FBXW10: variants seen among roughly 807,000 people sequenced by gnomAD.
The protein encoded by FBXW10 is F-box and WD repeat domain containing 10, also known as F-box/WD repeat-containing protein 10.
In FBXW10, 68 loss-of-function variants were observed where a neutral mutation model predicts 113.1. The observed-to-expected ratio is 0.60, with a 90% confidence interval of 0.49 to 0.74. FBXW10 has a LOEUF of 0.74. Among genes scored for constraint, FBXW10 ranks in the 30% least tolerant of loss-of-function variants. The pLI is 0.00. For synonymous variants in FBXW10, 289 were observed against 481.6 expected (o/e 0.60, Z 5.24); for missense variants, 753 against 1,284.5 (o/e 0.59, Z 6.32).
rs2035748465 is a variant in FBXW10 at position 18,778,740 on chromosome 17, T to A, written c.2601T>A (p.Val867=). ...AAGGAAAATCAATCCAACGTGCAGT[T>A]GATCGGTTGAGATTGAGCAATCCTC... ...NFKGKSIQRA[V]DRLRLSNPPI... Residue 867 remains valine (V), a synonymous_variant, in exon 14 of 14, where the codon GTT becomes GTA. Coordinates refer to ENST00000395665, the MANE Select transcript of FBXW10 (RefSeq NM_001267585.2). 1 of 1,613,526 alleles carries A rather than the reference T, an allele frequency of 6.2e-7. No individual in the cohort carries two copies. The highest frequency in any genetic ancestry group is 1.7e-4 in the Middle Eastern group (1 of 6,056).
chr17:18,764,198 C>T (rs1202797062), intron 7 of FBXW10, among the ~76,000 whole-genome samples: 8 of 129,458 alleles, frequency 6.2e-5, no homozygotes, highest in Non-Finnish European at 1.3e-4. Context: ...GATGTAAATA[C>T]TCTTTTTTTT....
In FBXW10 at chr17:18,778,606, C is replaced by T. The variant is rs2035745634; in HGVS notation, c.2467C>T (p.Gln823Ter). 5.0e-6 allele frequency: 8 copies of T among 1,614,000 alleles called. No individual in the cohort carries two copies. The highest frequency in any genetic ancestry group is 1.7e-4 in the Middle Eastern group (1 of 6,054). ...ATTCCTCCTGACTGTTAGCGCCCTG[C>T]AGCACGCCCATAATTCCGGGGAATT... Reference protein sequence around the residue: ...DQFLLTVSALQHAHNSGEFAY... With the variant: ...DQFLLTVSAL Residue 823 changes from glutamine (Q) to a stop codon, truncating the protein, a stop_gained, in exon 14 of 14, where the codon CAG becomes TAG. Transcript: ENST00000395665. LOFTEE classifies it high-confidence loss of function.
At chr17:18,767,511 A>G (rs2035521359) in intron 9 of FBXW10, among the ~76,000 whole-genome samples, 1 of 151,910 alleles carries the variant, frequency 6.6e-6, no homozygotes, top group Non-Finnish European at 1.5e-5. Context: ...CTAAGAAGAA[A>G]ACACTGGGGG....
chr17:18,762,622 G>A lies in FBXW10; in HGVS notation c.1434-2120G>A, dbSNP rs577736643. Among the ~76,000 whole-genome samples the A allele has an allele frequency of 3.9e-5, 6 of 152,060 alleles. No individual in the cohort carries two copies. In the South Asian group the frequency reaches 8.3e-4, roughly 21 times the overall value. On this transcript the variant is annotated intron_variant, in intron 7 of 13. Transcript: ENST00000395665. ...CAGGCATGAGCCACCACGCCCGGCC[G>A]ACAATATATTATCTTCTTTTCTAAT...
chr17:18,747,068 G>A (rs1490234589), intron 1 of FBXW10, among the ~76,000 whole-genome samples: 3 of 151,944 alleles, frequency 2.0e-5, no homozygotes, highest in African/African-American at 7.3e-5. Flanking sequence ...GGGACTACAG[G>A]TGCCCGCCAC....
At position 18,779,226 on chromosome 17, in the gene FBXW10, C is replaced by T. The variant is rs2035759458; in HGVS notation, c.3087C>T (p.Gly1029=). ...CTGCATGGATCAGGAAGATCAAAGG[C>T]CTGCCTATTGATAATTTCACGAAGC... ...SKAAWIRKIK[G]LPIDNFTKQG... is the part of the protein sequence containing the mutation. The change falls in exon 14 of 14, where the codon GGC becomes GGT. Residue 1029 remains glycine (G), a synonymous_variant. Coordinates refer to ENST00000395665, the MANE Select transcript of FBXW10 (RefSeq NM_001267585.2). The T allele has an allele frequency of 7.6e-7, 1 of 1,322,438 alleles. No homozygotes were observed. 81.9% of individuals were successfully genotyped at this position (1,322,438 alleles called of 1,614,324 possible).
intron 13 of FBXW10, among the ~76,000 whole-genome samples, chr17:18,777,459 G>C (rs2035723632): frequency 6.6e-6 from 1 of 151,802 alleles, no homozygotes; most frequent in South Asian, 2.1e-4. Context: ...AATTACTGTT[G>C]AAAAATAGTT....
intron 1 of FBXW10, among the ~76,000 whole-genome samples, chr17:18,745,872 T>C (rs182611704): frequency 4.6e-5 from 7 of 152,344 alleles, no homozygotes. Flanking sequence ...GGTGTCTGTT[T>C]TGCTTTGCTA....
chr17:18,776,498 A>AT (rs1378550033), intron 13 of FBXW10, among the ~76,000 whole-genome samples: 2 of 152,192 alleles, frequency 1.3e-5, no homozygotes, highest in Non-Finnish European at 2.9e-5. Context: ...GAAAACAATT[A>AT]TTTTATGAGG....
Position 18,770,011 on chromosome 17 carries a change from C to T in FBXW10, c.1932C>T (p.Asn644=), listed in dbSNP as rs758317019. 2.4e-5 allele frequency: 39 copies of T among 1,614,000 alleles called. 1 individual carries two copies. Among genetic ancestry groups the T allele is most frequent in the Middle Eastern group, 1.6e-4 (1 of 6,082 alleles). ...AGATCCGAATTTACAATTTCCTCAA[C>T]GGGAACTGTATGAAGGTGTTAAAAG... ...DGKIRIYNFL[N]GNCMKVLKAN... The change falls in exon 11 of 14, where the codon AAC becomes AAT. Residue 644 remains asparagine, a synonymous_variant. Transcript: ENST00000395665.
chr17:18,769,892 G>T lies in FBXW10; in HGVS notation c.1848-35G>T, dbSNP rs1446220613. ...AAACAAACCCAGGCATTTTACGAGA[G>T]GATGGGTACTGCCTGCTACTCTGTT... On this transcript the variant is annotated intron_variant, in intron 10 of 13. Transcript: ENST00000395665. The T allele has an allele frequency of 3.1e-6, 5 of 1,604,414 alleles. No homozygotes were observed. The Admixed American group carries it at 5.2e-5, about 17-fold the overall frequency.
At chr17:18,759,118 C>T (rs532194509) in intron 7 of FBXW10, among the ~76,000 whole-genome samples, 2 of 151,900 alleles carry the variant, frequency 1.3e-5, no homozygotes, top group African/African-American at 2.4e-5. Flanking sequence ...TGCAGTGAGC[C>T]GAGATGGTGC....
intron 1 of FBXW10, among the ~76,000 whole-genome samples, chr17:18,747,714 C>T (rs1567614195): frequency 1.3e-5 from 2 of 152,070 alleles, no homozygotes; most frequent in Admixed American, 1.3e-4. Flanking sequence ...CTTGTATAAA[C>T]AACTCGAGAA....
At chr17:18,748,162 G>A (rs2035080151) in intron 2 of FBXW10, 57 bp downstream of exon 2, 1 of 1,605,960 alleles carries the variant, frequency 6.2e-7, no homozygotes, top group Non-Finnish European at 8.5e-7. Context: ...GCTCATGCCT[G>A]TAATCCCAGC....
chr17:18,751,367 A>G (rs985624949), intron 5 of FBXW10, among the ~76,000 whole-genome samples: 6 of 151,986 alleles, frequency 3.9e-5, no homozygotes, highest in Non-Finnish European at 5.9e-5. Context: ...CTGGGACTAC[A>G]GGAGCCCGCC....
At position 18,778,517 on chromosome 17, in the gene FBXW10, C is replaced by T. The variant is rs372843756; in HGVS notation, c.2378C>T (p.Thr793Ile). The T allele has an allele frequency of 3.7e-6, 6 of 1,613,548 alleles. No individual in the cohort carries two copies. Among genetic ancestry groups the T allele is most frequent in the Non-Finnish European group, 5.1e-6 (6 of 1,179,708 alleles). ...EKAQKQGQLE[T>I]PGKLPSHPKK... The stretch of plus-strand genomic sequence containing the variant: ...GCACAAAAACAAGGACAATTGGAAA[C>T]TCCTGGAAAACTGCCCAGTCACCCA... Residue 793 changes from threonine to isoleucine, a missense_variant, in exon 14 of 14, where the codon ACT (threonine) becomes ATT (isoleucine). Physicochemically the swap from Thr to Ile is moderately conservative, Grantham distance 89. Coordinates refer to ENST00000395665, the MANE Select transcript of FBXW10 (RefSeq NM_001267585.2).
chr17:18,761,867 A>G (rs1185191836), intron 7 of FBXW10, among the ~76,000 whole-genome samples: 2 of 152,178 alleles, frequency 1.3e-5, no homozygotes, highest in African/African-American at 4.8e-5. Context: ...GAGAAATGCA[A>G]TTGATTTTTG....
intron 11 of FBXW10, 132 bp downstream of exon 11, chr17:18,770,217 G>C: frequency 7.1e-7 from 1 of 1,399,466 alleles, no homozygotes; most frequent in East Asian, 2.3e-5. Context: ...CTACAATTCT[G>C]GCTGGGTGGA....
chr17:18,749,267 G>C, intron 2 of FBXW10, among the ~76,000 whole-genome samples: 1 of 152,086 alleles, frequency 6.6e-6, no homozygotes, highest in Non-Finnish European at 1.5e-5. Context: ...GGCCGAGTGC[G>C]GTGGCTCACG....
Sources: allele counts gnomAD v4.1 joint callset (sites outside exome capture counted in the v4.1 genomes callset), GRCh38; gene constraint gnomAD v4.1.1; transcripts MANE v1.5; gene names NCBI Gene and HGNC (gene_info 2026-07-23, HGNC 2026-07-21).